Variants in NCOA7 observed in about 807,000 individuals in gnomAD.
NCOA7 encodes nuclear receptor coactivator 7, also known as 140 kDa estrogen receptor-associated protein.
NCOA7 carries 45 observed loss-of-function variants against 104.3 expected under a neutral mutation model. The ratio of observed to expected loss-of-function variants is 0.43; its 90% CI spans 0.34 to 0.55. The LOEUF (loss-of-function observed/expected upper bound fraction) is 0.55, where lower values mean the gene tolerates loss of function less well. Ranked by LOEUF, NCOA7 falls within the 20% of genes least tolerant of loss-of-function variation. NCOA7 has a pLI of 0.02. For missense variants in NCOA7, 1,041 were observed against 1,119.7 expected (o/e 0.93, Z 1.00); for synonymous variants, 398 against 402.3 (o/e 0.99, Z 0.13).
At chr6:125,904,852 C>T (rs573154060) in intron 10 of NCOA7, among the ~76,000 whole-genome samples, 1 of 152,102 alleles carries the variant, frequency 6.6e-6, no homozygotes, top group Non-Finnish European at 1.5e-5. Context: ...TTTATGAGCT[C>T]GATTTTGCCT....
chr6:125,794,099 C>A (rs982006940), intron 1 of NCOA7, among the ~76,000 whole-genome samples: 4 of 152,282 alleles, frequency 2.6e-5, no homozygotes, highest in Middle Eastern at 3.4e-3. Flanking sequence ...AACACCCCCC[C>A]ATATGCCCAC....
At chr6:125,921,820 C>G (rs1482338148) in intron 12 of NCOA7, among the ~76,000 whole-genome samples, 1 of 152,082 alleles carries the variant, frequency 6.6e-6, no homozygotes, top group Non-Finnish European at 1.5e-5. Flanking sequence ...TTTCCTTTTT[C>G]TATGATTTTC....
intron 11 of NCOA7, among the ~76,000 whole-genome samples, chr6:125,920,656 G>GCCTTGGCCTC: frequency 6.6e-6 from 1 of 152,250 alleles, no homozygotes; most frequent in East Asian, 1.9e-4. Context: ...TCTTCCTCCT[G>GCCTTGGCCTC]CCTTGGCCTC....
chr6:125,788,078 A>C (rs1041428538), upstream of NCOA7, among the ~76,000 whole-genome samples: 1 of 152,176 alleles, frequency 6.6e-6, no homozygotes, highest in Non-Finnish European at 1.5e-5. Context: ...CTGAGGTTTG[A>C]TCTGTAGTAT....
intron 2 of NCOA7, among the ~76,000 whole-genome samples, chr6:125,848,382 A>G (rs1780813902): frequency 6.6e-6 from 1 of 152,184 alleles, no homozygotes; most frequent in Non-Finnish European, 1.5e-5. Context: ...TCACAATAAC[A>G]AAGACTTGGA....
intron 13 of NCOA7, 52 bp from the exon 14 acceptor site, chr6:125,927,611 C>A: frequency 7.4e-7 from 1 of 1,358,884 alleles, no homozygotes; most frequent in Non-Finnish European, 1.1e-6. Flanking sequence ...GAAAGCCTTG[C>A]TTTGGGGATT....
chr6:125,855,474 A>G (rs1477533314), intron 3 of NCOA7: 5 of 395,632 alleles, frequency 1.3e-5, no homozygotes, highest in African/African-American at 2.0e-5. Flanking sequence ...TGTATTGTGT[A>G]CTACTAAACG....
chr6:125,840,880 T>G (rs1780091923), intron 2 of NCOA7, among the ~76,000 whole-genome samples: 1 of 18,650 alleles, frequency 5.4e-5, no homozygotes, highest in Admixed American at 6.4e-4. Flanking sequence ...TTTTTTTTTT[T>G]TTTTTTTTTT....
chr6:125,883,405 A>C (rs925758336), intron 7 of NCOA7, among the ~76,000 whole-genome samples: 2 of 152,224 alleles, frequency 1.3e-5, no homozygotes, highest in African/African-American at 2.4e-5. Context: ...ATTACAGTGT[A>C]AAATCCAGTG....
chr6:125,889,748 C>G lies in NCOA7; in HGVS notation c.1694C>G (p.Ser565Cys), dbSNP rs1201882367. The G allele has an allele frequency of 6.2e-7, 1 of 1,612,576 alleles. No homozygotes were observed. The highest frequency in any genetic ancestry group is 1.7e-5 in the Admixed American group (1 of 59,768). Reference sequence around the variant, plus strand: ...GACATTACCCTTAGTAGTTCTCTTTCCCAGGCGGGTGATCCCATAACTGAG... The same window carrying G: ...GACATTACCCTTAGTAGTTCTCTTTGCCAGGCGGGTGATCCCATAACTGAG... ...GIDITLSSSL[S>C]QAGDPITEGN... Residue 565 changes from serine (S) to cysteine (C), a missense_variant, in exon 9 of 16, where the codon TCC becomes TGC. Physicochemically the swap from Ser to Cys is moderately radical, Grantham distance 112 (BLOSUM62 -1). This residue lies in a region of NCOA7 where 914 missense variants were observed against 942.7 expected (regional missense o/e 0.97). Transcript: ENST00000392477.
chr6:125,808,158 C>T (rs190984758), intron 1 of NCOA7, among the ~76,000 whole-genome samples: 8 of 152,180 alleles, frequency 5.3e-5, no homozygotes, highest in African/African-American at 1.7e-4. Context: ...CAGGATTCCC[C>T]GAACACCACA....
chr6:125,914,131 A>G (rs2128688265), intron 10 of NCOA7, among the ~76,000 whole-genome samples: 1 of 152,364 alleles, frequency 6.6e-6, no homozygotes, highest in East Asian at 1.9e-4. Context: ...AATTCGAACC[A>G]TAGTGAAAGG....
chr6:125,889,493 G>A lies in NCOA7; in HGVS notation c.1439G>A (p.Gly480Glu). Residue 480 changes from glycine (G) to glutamate (E), a missense_variant, in exon 9 of 16, where the codon GGG (glycine) becomes GAG (glutamate). By Grantham distance (98) the Gly-to-Glu change is moderately conservative. Transcript: ENST00000392477. The stretch of plus-strand genomic sequence containing the variant: ...ACAGAGAATGATGTTGAACTGAAGG[G>A]GGCGCTAGATTTAGAAACCTGTGAG... ...LGTENDVELK[G>E]ALDLETCEKQ... The A allele has an allele frequency of 6.2e-7, 1 of 1,614,078 alleles. No individual in the cohort carries two copies. The highest frequency in any genetic ancestry group is 8.5e-7 in the Non-Finnish European group (1 of 1,180,016).
intron 1 of NCOA7, among the ~76,000 whole-genome samples, chr6:125,807,670 A>G (rs78587075): frequency 0.014 from 2,197 of 152,288 alleles, 36 homozygotes; most frequent in African/African-American, 0.049. Context: ...GCTATCCAGG[A>G]TGTTATTAAG....
chr6:125,830,643 G>T (rs1301827806), intron 2 of NCOA7, among the ~76,000 whole-genome samples: 1 of 151,882 alleles, frequency 6.6e-6, no homozygotes, highest in Non-Finnish European at 1.5e-5. Context: ...AGAAGTCAAG[G>T]CTGCAGTGAG....
intron 3 of NCOA7, among the ~76,000 whole-genome samples, chr6:125,857,122 G>C (rs945623665): frequency 1.3e-5 from 2 of 152,144 alleles, no homozygotes; most frequent in African/African-American, 4.8e-5. Context: ...AGCTATAACT[G>C]TCAACCTGTT....
rs1292894395 is a variant in NCOA7, at chr6:125,897,686, A to AT, written c.2096+6886dup. Among the ~76,000 whole-genome samples, 469 of 148,236 alleles carry AT rather than the reference A, an allele frequency of 3.2e-3. 5 individuals carry two copies. The highest frequency in any genetic ancestry group is 0.011 in the African/African-American group (430 of 40,554). ...AATTGGGATGTATTTCCCTTTTCAC[A>AT]TTTTTTTTTTGAGATGGCATTTTGC... is the stretch of plus-strand genomic sequence containing the variant. On this transcript the variant is annotated intron_variant, in intron 10 of 15. Coordinates refer to ENST00000392477, the MANE Select transcript of NCOA7 (RefSeq NM_181782.5).
At chr6:125,873,817 C>T (rs1320182811) in intron 3 of NCOA7, among the ~76,000 whole-genome samples, 1 of 152,160 alleles carries the variant, frequency 6.6e-6, no homozygotes, top group Non-Finnish European at 1.5e-5. Flanking sequence ...TAAAATGATA[C>T]ATTGTTTTCA....
chr6:125,865,379 C>T (rs978237601), intron 3 of NCOA7, among the ~76,000 whole-genome samples: 5 of 138,188 alleles, frequency 3.6e-5, no homozygotes, highest in African/African-American at 9.1e-5. Flanking sequence ...AACTATGTTA[C>T]CTGTGACTTG....
Sources: allele counts gnomAD v4.1 joint callset (sites outside exome capture counted in the v4.1 genomes callset), GRCh38; gene constraint gnomAD v4.1.1; regional missense constraint gnomAD v4.1.1; transcripts MANE v1.5; gene names NCBI Gene and HGNC (gene_info 2026-07-23, HGNC 2026-07-21).